Variants in ZSCAN12 observed in about 807,000 individuals in gnomAD.
ZSCAN12 encodes the protein zinc finger and SCAN domain containing 12.
A neutral mutation model predicts 23.4 loss-of-function variants in ZSCAN12; 18 were observed. The observed-to-expected ratio is 0.77, with a 90% CI of 0.53 to 1.14. The LOEUF is 1.14. Among genes scored for constraint, ZSCAN12 ranks in the 50% most tolerant of loss-of-function variants. The probability of loss-of-function intolerance (pLI) is 0.00; values close to 1 mark genes in which losing one functional copy is unlikely to be tolerated. For synonymous variants in ZSCAN12, 186 were observed against 253.4 expected (o/e 0.73, Z 2.53); for missense variants, 650 against 735.0 (o/e 0.88, Z 1.34).
chr6:28,383,627 G>A (rs1760397580), downstream of ZSCAN12, among the ~76,000 whole-genome samples: 2 of 152,208 alleles, frequency 1.3e-5, no homozygotes, highest in Admixed American at 1.3e-4. Flanking sequence ...AACGTCGGAA[G>A]AGCAGCTCGG....
chr6:28,397,889 T>G (rs1314181191), intron 2 of ZSCAN12, 115 bp downstream of exon 2: 1 of 1,305,520 alleles, frequency 7.7e-7, no homozygotes, highest in Non-Finnish European at 1.0e-6. Context: ...CATGCCCCTT[T>G]CTGATGCACC....
chr6:28,383,188 C>A (rs942929829), downstream of ZSCAN12, among the ~76,000 whole-genome samples: 1 of 152,166 alleles, frequency 6.6e-6, no homozygotes, highest in African/African-American at 2.4e-5. Context: ...CATAATTTCC[C>A]CAAATGAACC....
Position 28,384,826 on chromosome 6 carries a change from G to A in ZSCAN12, c.*5628C>T, listed in dbSNP as rs1294801916. ...ACTCCTTACCAAACGCACACAGAAC[G>A]TTTGAGAGGGAGAGGATCCAAAGAA... On this transcript the variant is annotated 3_prime_UTR_variant, in exon 4 of 4. Transcript: ENST00000684592. 1.3e-5 allele frequency among the ~76,000 whole-genome samples: 2 copies of A among 152,272 alleles called. No homozygotes were observed. The highest frequency in any genetic ancestry group is 1.9e-4 in the East Asian group (1 of 5,188).
In ZSCAN12 at chr6:28,390,424, G is replaced by A; in HGVS notation, c.*30C>T. 1 of 1,480,486 alleles carries A rather than the reference G, an allele frequency of 6.8e-7. No homozygotes were observed. Among genetic ancestry groups the A allele is most frequent in the Non-Finnish European group, 9.0e-7 (1 of 1,108,586 alleles). 91.7% of individuals were successfully genotyped at this position (1,480,486 alleles called of 1,614,324 possible). A position where few individuals can be genotyped will look rare whatever the true frequency, so the allele number is the denominator to read the frequency against. ...GCTAAATAGTATTTCTCACCGGCCT[G>A]AACTCTGTGAGATAACTTCCCTGTA... On this transcript the variant is annotated 3_prime_UTR_variant, in exon 4 of 4. Coordinates refer to ENST00000684592, the MANE Select transcript of ZSCAN12 (RefSeq NM_001163391.2).
At chr6:28,382,494 G>C, downstream of ZSCAN12, 1 of 1,551,856 alleles carries the variant, frequency 6.4e-7, no homozygotes, top group East Asian at 2.4e-5. Context: ...CACTATTAGA[G>C]ATCTCTCCTG....
chr6:28,384,280 G>A (rs1760437070), downstream of ZSCAN12, among the ~76,000 whole-genome samples: 5 of 152,096 alleles, frequency 3.3e-5, no homozygotes. Context: ...TAAGGCACTA[G>A]ATCAAAACAC....
chr6:28,398,761 C>CAAAAAAAAAAAAAAA (rs775480746), intron 1 of ZSCAN12, among the ~76,000 whole-genome samples: 1 of 72,784 alleles, frequency 1.4e-5, no homozygotes, highest in Non-Finnish European at 2.8e-5. Context: ...ACTAAAAATA[C>CAAAAAAAAAAAAAAA]AAAAAAAAAA....
At position 28,385,907 on chromosome 6, in the gene ZSCAN12, T is replaced by C. The variant is rs989503543; in HGVS notation, c.*4547A>G. ...ATGCAGACTTGTCTAAGTTCTTCTA[T>C]CTTAGAGGTCTCTACAACCAACCTC... On this transcript the variant is annotated 3_prime_UTR_variant, in exon 4 of 4. Transcript: ENST00000684592. Among the ~76,000 whole-genome samples the C allele has an allele frequency of 6.6e-6, 1 of 152,216 alleles. No individual in the cohort carries two copies. The highest frequency in any genetic ancestry group is 2.4e-5 in the African/African-American group (1 of 41,450).
rs896524324 is a variant in ZSCAN12 at position 28,385,250 on chromosome 6, G to T, written c.*5204C>A. ...TTATTCTGTGAGAATAATGCAGAGTGATTTATCATTCTAAGAAGGGTGATC... is the reference window on the plus strand; with the variant it reads ...TTATTCTGTGAGAATAATGCAGAGTTATTTATCATTCTAAGAAGGGTGATC... On this transcript the variant is annotated 3_prime_UTR_variant, in exon 4 of 4. Coordinates refer to ENST00000684592, the MANE Select transcript of ZSCAN12 (RefSeq NM_001163391.2). Among the ~76,000 whole-genome samples the T allele has an allele frequency of 3.3e-5, 5 of 152,112 alleles. No individual in the cohort carries two copies. The highest frequency in any genetic ancestry group is 5.9e-5 in the Non-Finnish European group (4 of 68,024).
chr6:28,394,350 C>T (rs914423613), intron 2 of ZSCAN12, among the ~76,000 whole-genome samples: 1 of 152,180 alleles, frequency 6.6e-6, no homozygotes, highest in Non-Finnish European at 1.5e-5. Flanking sequence ...CAAATTACTC[C>T]CCCATTCTCT....
At chr6:28,393,139 C>T in intron 2 of ZSCAN12, 93 bp from the exon 3 acceptor site, 1 of 1,359,326 alleles carries the variant, frequency 7.4e-7, no homozygotes, top group South Asian at 1.5e-5. Flanking sequence ...CTGAAATGAC[C>T]TTTTTCCCAG....
At chr6:28,394,559 T>G (rs1761013699) in intron 2 of ZSCAN12, among the ~76,000 whole-genome samples, 1 of 152,238 alleles carries the variant, frequency 6.6e-6, no homozygotes, top group South Asian at 2.1e-4. Context: ...CTGCGAGCTG[T>G]GCCTTCTATT....
At chr6:28,392,030 T>G (rs977166207) in intron 3 of ZSCAN12, among the ~76,000 whole-genome samples, 1 of 152,104 alleles carries the variant, frequency 6.6e-6, no homozygotes, top group African/African-American at 2.4e-5. Flanking sequence ...ACTTAAAAAA[T>G]TTTTGTTTTT....
In ZSCAN12 at chr6:28,391,833, C is replaced by T. The variant is rs1760855345; in HGVS notation, c.548-91G>A. The T allele has an allele frequency of 2.8e-6, 3 of 1,088,522 alleles. No individual in the cohort carries two copies. In the Admixed American group the frequency reaches 9.3e-5, roughly 34 times the overall value. 67.4% of individuals were successfully genotyped at this position (1,088,522 alleles called of 1,614,324 possible). ...AGCAGCTGTTTAGAAATAAAAAATG[C>T]AAGAGTCTACCATCTTAGTGATAAA... On this transcript the variant is annotated intron_variant, in intron 3 of 3. Coordinates refer to ENST00000684592, the MANE Select transcript of ZSCAN12 (RefSeq NM_001163391.2). This position sits in a 1 kb window ranked among gnomAD's most constrained non-coding sequence, Gnocchi z 4.1.
At position 28,386,337 on chromosome 6, in the gene ZSCAN12, A is replaced by G. The variant is rs1295168561; in HGVS notation, c.*4117T>C. ...TTCAAGTTTTACAACAGATACTTCTATCTGGCCATTGTTACTACAATTGAT... is the reference window on the plus strand; with the variant it reads ...TTCAAGTTTTACAACAGATACTTCTGTCTGGCCATTGTTACTACAATTGAT... On this transcript the variant is annotated 3_prime_UTR_variant, in exon 4 of 4. Transcript: ENST00000684592. Among the ~76,000 whole-genome samples, 3 of 152,226 alleles carry G rather than the reference A, an allele frequency of 2.0e-5. No homozygotes were observed. The highest frequency in any genetic ancestry group is 4.4e-5 in the Non-Finnish European group (3 of 68,046).
At position 28,392,935 on chromosome 6, in the gene ZSCAN12, C is replaced by T. The variant is rs575878412; in HGVS notation, c.514G>A (p.Glu172Lys). The change falls in exon 3 of 4, where the codon GAA becomes AAA. Residue 172 changes from glutamate to lysine, a missense_variant. Coordinates refer to ENST00000684592, the MANE Select transcript of ZSCAN12 (RefSeq NM_001163391.2). ...TGTTGGGATTCAAGTTCTGGAGATT[C>T]ATACTTTGGCTGGGCTTTCATGGAC... ...LQSMKAQPKY[E>K]SPELESQQEQ... 8.4e-6 allele frequency: 13 copies of T among 1,552,204 alleles called. No homozygotes were observed. The African/African-American group carries it at 1.8e-4, about 21-fold the overall frequency.
At chr6:28,380,437 T>C (rs182005399), downstream of ZSCAN12, 3 of 152,456 alleles carry the variant, frequency 2.0e-5, no homozygotes, top group Admixed American at 2.0e-4. Flanking sequence ...GGTGAAGGTC[T>C]TCCTACATTC....
Position 28,391,504 on chromosome 6 carries a change from A to T in ZSCAN12, c.786T>A (p.Thr262=). 8 of 1,552,010 alleles carry T rather than the reference A, an allele frequency of 5.2e-6. No homozygotes were observed. Among genetic ancestry groups the T allele is most frequent in the Non-Finnish European group, 7.0e-6 (8 of 1,147,062 alleles). The change falls in exon 4 of 4, where the codon ACT becomes ACA. Residue 262 remains threonine, a synonymous_variant. Coordinates refer to ENST00000684592, the MANE Select transcript of ZSCAN12 (RefSeq NM_001163391.2). The surrounding 1 kb of genome is among the most constrained non-coding windows in gnomAD (Gnocchi z 4.1). ...GVSLTENSDH[T]EHQRICPGEE... is the part of the protein sequence containing the mutation. ...CTCCTGGACAGATTCTCTGATGTTC[A>T]GTATGGTCAGAGTTCTCAGTCAGGC...
chr6:28,393,464 A>G (rs1760959076), intron 2 of ZSCAN12, among the ~76,000 whole-genome samples: 1 of 142,054 alleles, frequency 7.0e-6, no homozygotes. Flanking sequence ...AATAATGTAG[A>G]GAAATGATAA....
Sources: gnomAD v4.1 joint callset for allele counts (sites outside exome capture counted in the v4.1 genomes callset) on GRCh38, gnomAD v4.1.1 for gene constraint, Gnocchi (gnomAD v3.1) non-coding constraint, MANE v1.5 for transcripts, NCBI Gene and HGNC (gene_info 2026-07-23, HGNC 2026-07-21) for gene names.